WWC2: variants seen among roughly 807,000 people sequenced by gnomAD.
WWC2 encodes protein WWC2.
WWC2 carries 101 observed loss-of-function variants against 138.5 expected under a neutral mutation model. That is an observed-to-expected ratio of 0.73 (90% CI 0.62 to 0.86). WWC2 has a LOEUF of 0.86. Among genes scored for constraint, WWC2 ranks in the 40% least tolerant of loss-of-function variants. The probability of loss-of-function intolerance (pLI) is 0.00; values close to 1 mark genes in which losing one functional copy is unlikely to be tolerated. For synonymous variants in WWC2, 558 were observed against 538.4 expected, an observed-to-expected ratio of 1.04 and a Z score of -0.50; for missense variants, 1,420 against 1,419.4, an observed-to-expected ratio of 1.00 and a Z score of -0.01.
In WWC2 at chr4:183,289,431, A is replaced by C; in HGVS notation, c.3180A>C (p.Glu1060Asp). ...CQSVLRRTTQ[E>D]CPVRTSLDLE... ...CAGTCCTTAGAAGAACAACACAGGA[A>C]TGCCCAGTGCGGACATCTCTAGACT... Residue 1060 changes from glutamate to aspartate, a missense_variant, in exon 21 of 23, where the codon GAA becomes GAC. Physicochemically the swap from Glu to Asp is conservative, Grantham distance 45. Coordinates refer to ENST00000403733, the MANE Select transcript of WWC2 (RefSeq NM_024949.6). 1 of 1,612,470 alleles carries C rather than the reference A, an allele frequency of 6.2e-7. No individual in the cohort carries two copies.
At chr4:183,165,777 T>G (rs564212193) in intron 1 of WWC2, among the ~76,000 whole-genome samples, 1 of 152,326 alleles carries the variant, frequency 6.6e-6, no homozygotes, top group South Asian at 2.1e-4. Flanking sequence ...ATCCAAATCT[T>G]ACATTGTGGA....
rs556888879 is a variant in WWC2, at chr4:183,317,081, A to G, written c.*1352A>G. 6.6e-6 allele frequency: 1 copy of G among 152,296 alleles called. No individual in the cohort carries two copies. Among genetic ancestry groups the G allele is most frequent in the East Asian group, 1.9e-4 (1 of 5,178 alleles). The allele number at this position is 152,296 out of a possible 1,614,324, so 9.4% of individuals were successfully genotyped here. A position where few individuals can be genotyped will look rare whatever the true frequency, so the allele number is the denominator to read the frequency against. ...CATACTTATTACTCAATAACCCAAG[A>G]AACAATTTTGGGTTAGCCATCTAAT... On this transcript the variant is annotated 3_prime_UTR_variant, in exon 23 of 23. Transcript: ENST00000403733.
intron 1 of WWC2, among the ~76,000 whole-genome samples, chr4:183,171,766 A>G (rs1180016102): frequency 2.6e-5 from 4 of 152,102 alleles, no homozygotes; most frequent in Admixed American, 6.6e-5. Context: ...TTCTTTTGGT[A>G]TTTGCCGCTG....
At chr4:183,127,270 TATA>T (rs1219762705) in intron 1 of WWC2, among the ~76,000 whole-genome samples, 2 of 152,166 alleles carry the variant, frequency 1.3e-5, no homozygotes. Flanking sequence ...TTCGAGGCAT[TATA>T]TAAAACCCAG....
At chr4:183,218,264 A>G (rs1019109261) in intron 4 of WWC2, among the ~76,000 whole-genome samples, 1 of 152,142 alleles carries the variant, frequency 6.6e-6, no homozygotes, top group Non-Finnish European at 1.5e-5. Context: ...TGAAAAGATG[A>G]TAAACATCAC....
intron 8 of WWC2, among the ~76,000 whole-genome samples, chr4:183,252,097 T>G (rs1418294663): frequency 1.3e-5 from 2 of 152,254 alleles, no homozygotes; most frequent in Admixed American, 6.5e-5. Flanking sequence ...ATTTTATTTT[T>G]AATTAGAACA....
chr4:183,144,998 C>T (rs17277199), intron 1 of WWC2, among the ~76,000 whole-genome samples: 3,652 of 152,284 alleles, frequency 0.024, 72 homozygotes, highest in Non-Finnish European at 0.037. Flanking sequence ...TAGCCGTAGG[C>T]GAGATGCTGT....
At chr4:183,153,020 G>A (rs533039827) in intron 1 of WWC2, among the ~76,000 whole-genome samples, 23 of 152,136 alleles carry the variant, frequency 1.5e-4, no homozygotes, top group African/African-American at 4.8e-4. Context: ...CTCAGCCTCC[G>A]CAGTAGCTGG....
chr4:183,230,924 T>C (rs916157921), intron 4 of WWC2, among the ~76,000 whole-genome samples: 2 of 152,164 alleles, frequency 1.3e-5, no homozygotes, highest in Non-Finnish European at 2.9e-5. Flanking sequence ...TATTGAAATA[T>C]TATTAACCAA....
chr4:183,150,294 A>T (rs750592648), intron 1 of WWC2, among the ~76,000 whole-genome samples: 8 of 152,184 alleles, frequency 5.3e-5, no homozygotes, highest in Non-Finnish European at 1.2e-4. Context: ...GCTTGCCATT[A>T]GTAGTTTAAG....
In WWC2 at chr4:183,220,157, T is replaced by C. The variant is rs568285923; in HGVS notation, c.522+11132T>C. ...AGTCCTAGAGCCACAAGGAACTGAA[T>C]GCTGCCAAAAGTGAGAATGAAGTTT... is the stretch of plus-strand genomic sequence containing the variant. On this transcript the variant is annotated intron_variant, in intron 4 of 22. Transcript: ENST00000403733. 1.4e-3 allele frequency among the ~76,000 whole-genome samples: 206 copies of C among 152,316 alleles called. No homozygotes were observed. The Middle Eastern group carries it at 0.02, about 15-fold the overall frequency.
chr4:183,230,522 C>G (rs951282719), intron 4 of WWC2, among the ~76,000 whole-genome samples: 1 of 152,090 alleles, frequency 6.6e-6, no homozygotes, highest in African/African-American at 2.4e-5. Context: ...ACTAAAAATA[C>G]AAAAGTCAGT....
intron 16 of WWC2, among the ~76,000 whole-genome samples, chr4:183,275,886 A>T (rs1408215518): frequency 6.6e-6 from 1 of 152,152 alleles, no homozygotes; most frequent in Non-Finnish European, 1.5e-5. Flanking sequence ...GAAGCCATCC[A>T]GTCCTGTACT....
At chr4:183,170,781 T>C (rs889533466) in intron 1 of WWC2, among the ~76,000 whole-genome samples, 4 of 151,976 alleles carry the variant, frequency 2.6e-5, no homozygotes, top group African/African-American at 9.7e-5. Flanking sequence ...TACTATAACC[T>C]TGAACTCCTC....
intron 1 of WWC2, among the ~76,000 whole-genome samples, chr4:183,145,877 C>T (rs1733438332): frequency 6.6e-6 from 1 of 152,126 alleles, no homozygotes; most frequent in Admixed American, 6.5e-5. Context: ...ATGGGGCATG[C>T]CTGCCTTCAT....
intron 4 of WWC2, among the ~76,000 whole-genome samples, chr4:183,224,550 G>GTTTTGTTTTTGTTTTTGT (rs60762915): frequency 6.6e-6 from 1 of 151,694 alleles, no homozygotes; most frequent in African/African-American, 2.4e-5. Context: ...TTTTTGTTTA[G>GTTTTGTTTTTGTTTTTGT]TTTTGTTTTT....
chr4:183,246,660 G>A (rs1481896432), intron 6 of WWC2, among the ~76,000 whole-genome samples: 1 of 152,166 alleles, frequency 6.6e-6, no homozygotes, highest in Non-Finnish European at 1.5e-5. Flanking sequence ...GCTTACAGAC[G>A]AGGAAATTTC....
chr4:183,238,706 T>G (rs1736511047), intron 4 of WWC2, among the ~76,000 whole-genome samples: 1 of 152,178 alleles, frequency 6.6e-6, no homozygotes, highest in Non-Finnish European at 1.5e-5. Context: ...TGAAACACTG[T>G]TTCCTCAGAC....
chr4:183,287,842 A>T (rs1364187893), intron 20 of WWC2, among the ~76,000 whole-genome samples: 1 of 152,180 alleles, frequency 6.6e-6, no homozygotes, highest in Non-Finnish European at 1.5e-5. Flanking sequence ...TGCCAGTTAA[A>T]TCGGAGTGAC....
Sources: allele counts gnomAD v4.1 joint callset (sites outside exome capture counted in the v4.1 genomes callset), GRCh38; gene constraint gnomAD v4.1.1; transcripts MANE v1.5; gene names NCBI Gene and HGNC (gene_info 2026-07-23, HGNC 2026-07-21).